The following HBEGF variants were observed in gnomAD, a reference collection of about 807,000 sequenced individuals.
The protein encoded by HBEGF is proheparin-binding EGF-like growth factor.
In HBEGF, 8 loss-of-function variants were observed where a neutral mutation model predicts 19.5. That is an observed-to-expected ratio of 0.41 (90% confidence interval 0.24 to 0.74). The LOEUF (loss-of-function observed/expected upper bound fraction) is 0.74, where lower values mean the gene tolerates loss of function less well. HBEGF is among the 30% of genes least tolerant of loss of function. The probability of loss-of-function intolerance (pLI) is 0.32; values close to 1 mark genes in which losing one functional copy is unlikely to be tolerated. For missense variants in HBEGF, 207 were observed against 256.9 expected (o/e 0.81, Z 1.33); for synonymous variants, 97 against 108.9 (o/e 0.89, Z 0.68).
At chr5:140,339,780 G>A (rs1581112646) in intron 3 of HBEGF, among the ~76,000 whole-genome samples, 2 of 152,146 alleles carry the variant, frequency 1.3e-5, no homozygotes, top group Non-Finnish European at 2.9e-5. Context: ...AGTTTAGGAA[G>A]CCAGCTAGCC....
At chr5:140,339,766 G>T (rs1766280503) in intron 3 of HBEGF, among the ~76,000 whole-genome samples, 1 of 152,074 alleles carries the variant, frequency 6.6e-6, no homozygotes, top group Admixed American at 6.6e-5. Context: ...GGCTGCAGAG[G>T]GCTAGTTTAG....
At chr5:140,338,921 A>G (rs1008916639) in intron 3 of HBEGF, among the ~76,000 whole-genome samples, 2 of 152,208 alleles carry the variant, frequency 1.3e-5, no homozygotes, top group African/African-American at 4.8e-5. Flanking sequence ...GAGGAGACTG[A>G]GTGCATGAGT....
intron 2 of HBEGF, 23 bp downstream of exon 2, chr5:140,345,888 G>A (rs1766391277): frequency 6.2e-7 from 1 of 1,613,472 alleles, no homozygotes; most frequent in Non-Finnish European, 8.5e-7. Context: ...CAAGGTCCAA[G>A]GATGGGGGGC....
intron 2 of HBEGF, 134 bp downstream of exon 2, chr5:140,345,777 G>T: frequency 9.6e-7 from 1 of 1,044,734 alleles, no homozygotes; most frequent in Non-Finnish European, 1.5e-6. Flanking sequence ...GTGCCCATCA[G>T]GCCGATCAGC....
At chr5:140,345,857 G>A in intron 2 of HBEGF, 54 bp downstream of exon 2, 1 of 1,597,900 alleles carries the variant, frequency 6.3e-7, no homozygotes, top group Non-Finnish European at 8.6e-7. Context: ...TCTTGGATCT[G>A]CTTATTCTTC....
chr5:140,346,158 G>T lies in HBEGF; in HGVS notation c.47-74C>A. ...CCAACACGCACCGATGCCGACGCCC[G>T]TCCGCCAGAGCGCAAGGGCCCCACC... On this transcript the variant is annotated intron_variant, in intron 1 of 5. Transcript: ENST00000230990. This position sits in a 1 kb window ranked among gnomAD's most constrained non-coding sequence, Gnocchi z 6.1. 6.4e-7 allele frequency: 1 copy of T among 1,561,272 alleles called. No homozygotes were observed. The highest frequency in any genetic ancestry group is 8.7e-7 in the Non-Finnish European group (1 of 1,154,016).
chr5:140,340,055 G>C (rs1213888914), intron 3 of HBEGF, among the ~76,000 whole-genome samples: 1 of 152,160 alleles, frequency 6.6e-6, no homozygotes, highest in African/African-American at 2.4e-5. Context: ...GGGAGTCCAA[G>C]GCAGGCTGAT....
chr5:140,339,402 A>T (rs903589665), intron 3 of HBEGF, among the ~76,000 whole-genome samples: 8 of 151,886 alleles, frequency 5.3e-5, no homozygotes, highest in African/African-American at 7.3e-5. Flanking sequence ...TATTATTATT[A>T]TTTTTTTGAG....
chr5:140,344,737 AG>A (rs1272171263), intron 2 of HBEGF, among the ~76,000 whole-genome samples: 3 of 150,636 alleles, frequency 2.0e-5, no homozygotes, highest in Non-Finnish European at 4.4e-5. Flanking sequence ...AGAGCAAGGC[AG>A]GGGGGCCAAG....
At chr5:140,342,907 C>T in intron 2 of HBEGF, 95 bp from the exon 3 acceptor site, 1 of 1,306,784 alleles carries the variant, frequency 7.7e-7, no homozygotes, top group Non-Finnish European at 1.1e-6. Flanking sequence ...TTTGATTCCA[C>T]CTGAAGTCAG....
intron 2 of HBEGF, among the ~76,000 whole-genome samples, chr5:140,343,771 A>C (rs996648720): frequency 1.1e-4 from 16 of 152,208 alleles, no homozygotes; most frequent in African/African-American, 3.9e-4. Flanking sequence ...GGCTACAGCC[A>C]TGTGTCTTAC....
At position 140,346,475 on chromosome 5, in the gene HBEGF, AC is replaced by A; in HGVS notation, c.-148del. On this transcript the variant is annotated 5_prime_UTR_variant, in exon 1 of 6. Transcript: ENST00000230990. This position sits in a 1 kb window ranked among gnomAD's most constrained non-coding sequence, Gnocchi z 6.1. ...GCCTCTGCGTGCAAGCCTGGCCGGG[AC>A]CCAGGCGCAGCTCGCTCTTCTTGAG... 1 of 854,186 alleles carries A rather than the reference AC, an allele frequency of 1.2e-6. No homozygotes were observed. The highest frequency in any genetic ancestry group is 1.8e-6 in the Non-Finnish European group (1 of 543,566). The allele number at this position is 854,186 out of a possible 1,614,324, so 52.9% of individuals were successfully genotyped here. A position where few individuals can be genotyped will look rare whatever the true frequency, so the allele number is the denominator to read the frequency against.
intron 3 of HBEGF, among the ~76,000 whole-genome samples, chr5:140,340,007 C>G (rs1294174749): frequency 6.6e-6 from 1 of 152,212 alleles, no homozygotes. Context: ...AAAATCTGCC[C>G]AGGAAGTGGT....
chr5:140,340,213 G>A (rs1766286947), intron 3 of HBEGF, among the ~76,000 whole-genome samples: 1 of 151,890 alleles, frequency 6.6e-6, no homozygotes, highest in African/African-American at 2.4e-5. Context: ...TTTAATCTGG[G>A]AGGCGGAGGC....
In HBEGF at chr5:140,332,936, A is replaced by C. The variant is rs937755486; in HGVS notation, c.*1363T>G. Reference sequence around the variant, plus strand: ...TGTAACAGTTCAGAAATGGCACCAGAAACTTCCAGAAAGGACCATGACAGC... The same window carrying C: ...TGTAACAGTTCAGAAATGGCACCAGCAACTTCCAGAAAGGACCATGACAGC... On this transcript the variant is annotated 3_prime_UTR_variant, in exon 6 of 6. Coordinates refer to ENST00000230990, the MANE Select transcript of HBEGF (RefSeq NM_001945.3). The C allele has an allele frequency of 1.3e-5, 2 of 152,678 alleles. No individual in the cohort carries two copies. The highest frequency in any genetic ancestry group is 2.9e-5 in the Non-Finnish European group (2 of 68,056). The allele number at this position is 152,678 out of a possible 1,614,324, so 9.5% of individuals were successfully genotyped here. A position where few individuals can be genotyped will look rare whatever the true frequency, so the allele number is the denominator to read the frequency against.
At chr5:140,344,011 G>A (rs893972135) in intron 2 of HBEGF, among the ~76,000 whole-genome samples, 1 of 152,178 alleles carries the variant, frequency 6.6e-6, no homozygotes, top group Admixed American at 6.5e-5. Context: ...GGTGGTGTGT[G>A]CCTGTTATCG....
rs925327082 is a variant in HBEGF at position 140,344,506 on chromosome 5, C to T, written c.220+1405G>A. Among the ~76,000 whole-genome samples, 3 of 152,118 alleles carry T rather than the reference C, an allele frequency of 2.0e-5. No homozygotes were observed. The South Asian group carries it at 6.2e-4, about 32-fold the overall frequency. ...AGGATAACATATCAAGTGCCTAGAA[C>T]ACAGTAGGAATTTAATAAATGGTAG... On this transcript the variant is annotated intron_variant, in intron 2 of 5. Transcript: ENST00000230990.
intron 3 of HBEGF, among the ~76,000 whole-genome samples, chr5:140,342,403 T>C (rs4150209): frequency 0.026 from 3,998 of 152,194 alleles, 184 homozygotes; most frequent in African/African-American, 0.091. Flanking sequence ...AAGCAGGAAA[T>C]GTCCCCAAGG....
chr5:140,345,454 G>A (rs901136237), intron 2 of HBEGF, among the ~76,000 whole-genome samples: 5 of 152,192 alleles, frequency 3.3e-5, no homozygotes, highest in Non-Finnish European at 5.9e-5. Context: ...CTGGAGACAG[G>A]TGGATGGAGG....
Sources: allele counts gnomAD v4.1 joint callset (sites outside exome capture counted in the v4.1 genomes callset), GRCh38; gene constraint gnomAD v4.1.1; non-coding constraint Gnocchi (gnomAD v3.1); transcripts MANE v1.5; gene names NCBI Gene and HGNC (gene_info 2026-07-23, HGNC 2026-07-21).